The following CLSTN3 variants were observed in gnomAD, a reference collection of about 807,000 sequenced individuals.
CLSTN3 encodes calsyntenin 3.
Under a neutral mutation model 95.9 loss-of-function variants are expected in CLSTN3, and 36 were observed. That is an observed-to-expected ratio of 0.38 (90% CI 0.29 to 0.50). The LOEUF (loss-of-function observed/expected upper bound fraction) is 0.50. CLSTN3 is among the 20% of genes least tolerant of loss of function. CLSTN3 has a pLI of 0.95. For synonymous variants in CLSTN3, 481 were observed against 504.0 expected, an observed-to-expected ratio of 0.95 and a Z score of 0.61; for missense variants, 1,084 against 1,268.8, an observed-to-expected ratio of 0.85 and a Z score of 2.21.
chr12:7,136,425 C>A, intron 6 of CLSTN3, 34 bp downstream of exon 6: 1 of 1,537,154 alleles, frequency 6.5e-7, no homozygotes, highest in Non-Finnish European at 8.8e-7. Flanking sequence ...TCAGGCCTAT[C>A]CCTTCCCATC....
Position 7,149,794 on chromosome 12 carries a change from T to C in CLSTN3, c.2245+101T>C. 2 of 1,129,840 alleles carry C rather than the reference T, an allele frequency of 1.8e-6. No homozygotes were observed. Among genetic ancestry groups the C allele is most frequent in the East Asian group, 2.5e-5 (1 of 39,666 alleles). The allele number at this position is 1,129,840 out of a possible 1,614,324, so 70.0% of individuals were successfully genotyped here. On this transcript the variant is annotated intron_variant, in intron 14 of 17. Coordinates refer to ENST00000266546, the MANE Select transcript of CLSTN3 (RefSeq NM_014718.4). This position sits in a 1 kb window ranked among gnomAD's most constrained non-coding sequence, Gnocchi z 4.5. The stretch of plus-strand genomic sequence containing the variant: ...GGTCCTCCTTCCAGGTCCAGGGATG[T>C]GGACAAGTGCCGTTTTGCATTTTCC...
In CLSTN3 at chr12:7,148,874, T is replaced by C. The variant is rs1939672358; in HGVS notation, c.1848-98T>C. On this transcript the variant is annotated intron_variant, in intron 12 of 17. Transcript: ENST00000266546. ...TGCCCCTTCCTGACATGAGATGCTCTATGATAGAGGTAGCTGGGGCGGGGA... is the reference window on the plus strand; with the variant it reads ...TGCCCCTTCCTGACATGAGATGCTCCATGATAGAGGTAGCTGGGGCGGGGA... The C allele has an allele frequency of 1.1e-5, 11 of 997,072 alleles. No homozygotes were observed. In the South Asian group the frequency reaches 1.4e-4, roughly 12 times the overall value. 61.8% of individuals were successfully genotyped at this position (997,072 alleles called of 1,614,324 possible). A position where few individuals can be genotyped will look rare whatever the true frequency, so the allele number is the denominator to read the frequency against.
At chr12:7,148,277 TA>T (rs1284070905) in intron 12 of CLSTN3, among the ~76,000 whole-genome samples, 2 of 152,180 alleles carry the variant, frequency 1.3e-5, no homozygotes, top group Non-Finnish European at 2.9e-5. Context: ...TTATTACTGG[TA>T]AAGGTGGGGC....
At chr12:7,151,184 C>T (rs1394292484) in intron 16 of CLSTN3, 121 bp downstream of exon 16, 5 of 1,147,370 alleles carry the variant, frequency 4.4e-6, no homozygotes, top group African/African-American at 3.1e-5. Flanking sequence ...GGGTTCTGTT[C>T]CCTGTGGTAC....
intron 12 of CLSTN3, among the ~76,000 whole-genome samples, chr12:7,146,613 C>T (rs1393720073): frequency 6.6e-6 from 1 of 152,152 alleles, no homozygotes; most frequent in Non-Finnish European, 1.5e-5. Flanking sequence ...AAGCACCCTC[C>T]TCTTATCCTA....
intron 16 of CLSTN3, 34 bp downstream of exon 16, chr12:7,151,097 G>A (rs1417731289): frequency 1.3e-6 from 2 of 1,516,296 alleles, no homozygotes; most frequent in East Asian, 2.4e-5. Flanking sequence ...GCAGGGAGGG[G>A]CAGGTGGCAG....
Position 7,131,240 on chromosome 12 carries a change from C to CCATT in CLSTN3, c.64+528_64+529insCATT, listed in dbSNP as rs1370230228. 15 of 219,054 alleles carry CCATT rather than the reference C, an allele frequency of 6.8e-5. No homozygotes were observed. The Admixed American group carries it at 7.3e-4, about 11-fold the overall frequency. The allele number at this position is 219,054 out of a possible 1,614,324, so 13.6% of individuals were successfully genotyped here. A position where few individuals can be genotyped will look rare whatever the true frequency, so the allele number is the denominator to read the frequency against. On this transcript the variant is annotated intron_variant, in intron 1 of 17. Coordinates refer to ENST00000266546, the MANE Select transcript of CLSTN3 (RefSeq NM_014718.4). ...GACCCTTTTGCCTGCATCAGCTGGG[C>CCATT]TGTGGGTTACCAGAGCTGCCCTCTC...
At chr12:7,144,327 G>A (rs1220949525) in intron 12 of CLSTN3, among the ~76,000 whole-genome samples, 1 of 151,762 alleles carries the variant, frequency 6.6e-6, no homozygotes, top group Admixed American at 6.6e-5. Flanking sequence ...ATTATTTCAA[G>A]GTTTGAGTAT....
In CLSTN3 at chr12:7,149,409, T is replaced by C. The variant is rs1308099226; in HGVS notation, c.2075-114T>C. The C allele has an allele frequency of 9.5e-7, 1 of 1,052,068 alleles. No homozygotes were observed. The highest frequency in any genetic ancestry group is 1.4e-6 in the Non-Finnish European group (1 of 711,444). 65.2% of individuals were successfully genotyped at this position (1,052,068 alleles called of 1,614,324 possible). On this transcript the variant is annotated intron_variant, in intron 13 of 17. Transcript: ENST00000266546. The surrounding 1 kb of genome is among the most constrained non-coding windows in gnomAD (Gnocchi z 4.5). The stretch of plus-strand genomic sequence containing the variant: ...TGATATTCTTGAAAATGATGCTGAC[T>C]TCCCTCTCCCTGGCCCTGGAAAGGG...
rs765424120 is a variant in CLSTN3, at chr12:7,143,293, G to A, written c.1829G>A (p.Arg610His). 2.6e-5 allele frequency: 42 copies of A among 1,609,894 alleles called. No homozygotes were observed. Among genetic ancestry groups the A allele is most frequent in the African/African-American group, 4.0e-5 (3 of 74,944 alleles). ...RFATPGVRPL[R>H]LTTAVKCFSE... ...GCCACGCCCGGCGTCAGGCCCCTGC[G>A]CCTCACCACTGCTGTCAAGTGAGTG... Residue 610 changes from arginine (R) to histidine (H), a missense_variant, in exon 12 of 18, where the codon CGC becomes CAC. Arg to His is a conservative substitution (Grantham distance 29). Coordinates refer to ENST00000266546, the MANE Select transcript of CLSTN3 (RefSeq NM_014718.4).
Position 7,133,131 on chromosome 12 carries a change from C to T in CLSTN3, c.172C>T (p.Pro58Ser), listed in dbSNP as rs1939337764. ...PPLFALDKDA[P>S]LRYAGEICGF... ...ACTCTTTGCCTTGGACAAGGATGCC[C>T]CGCTGCGCTATGCAGGTAATTGGGA... The change falls in exon 2 of 18, where the codon CCG becomes TCG. Residue 58 changes from proline (P) to serine (S), a missense_variant. Pro to Ser is a moderately conservative substitution (Grantham distance 74, BLOSUM62 -1). Coordinates refer to ENST00000266546, the MANE Select transcript of CLSTN3 (RefSeq NM_014718.4). This position sits in a 1 kb window ranked among gnomAD's most constrained non-coding sequence, Gnocchi z 4.7. 2.5e-6 allele frequency: 4 copies of T among 1,614,086 alleles called. No individual in the cohort carries two copies. The highest frequency in any genetic ancestry group is 2.7e-5 in the African/African-American group (2 of 75,000).
chr12:7,143,381 G>A, intron 12 of CLSTN3, 70 bp downstream of exon 12: 2 of 1,530,674 alleles, frequency 1.3e-6, no homozygotes, highest in Non-Finnish European at 1.8e-6. Flanking sequence ...TTGGCCTAAG[G>A]CGTCACCTAG....
intron 16 of CLSTN3, among the ~76,000 whole-genome samples, chr12:7,154,988 A>T (rs1234530664): frequency 6.6e-6 from 1 of 152,192 alleles, no homozygotes; most frequent in African/African-American, 2.4e-5. Context: ...GAGAGCCGTG[A>T]TAGGAGCCAA....
intron 16 of CLSTN3, chr12:7,156,938 G>A (rs1939828125): frequency 2.4e-6 from 1 of 425,172 alleles, no homozygotes; most frequent in Admixed American, 2.6e-5. Context: ...AGGTGGGTAA[G>A]GGAAGGGGCT....
intron 8 of CLSTN3, among the ~76,000 whole-genome samples, chr12:7,139,898 C>A (rs781751189): frequency 2.0e-5 from 3 of 152,164 alleles, no homozygotes; most frequent in African/African-American, 7.2e-5. Flanking sequence ...CCCACCTTGG[C>A]CTCCTAAAGA....
Position 7,158,063 on chromosome 12 carries a change from C to T in CLSTN3, c.2853C>T (p.Thr951=), listed in dbSNP as rs780814619. Reference sequence around the variant, plus strand: ...GCGACGAGAGACGCATCATCGAGACCCCCCCACACCGCTACTAAGGCCTAC... The same window carrying T: ...GCGACGAGAGACGCATCATCGAGACTCCCCCACACCGCTACTAAGGCCTAC... The part of the protein sequence containing the change: ...PSSDERRIIE[T]PPHRY The change falls in exon 18 of 18, where the codon ACC becomes ACT. Residue 951 remains threonine (T), a synonymous_variant. Coordinates refer to ENST00000266546, the MANE Select transcript of CLSTN3 (RefSeq NM_014718.4). The T allele has an allele frequency of 2.0e-6, 3 of 1,537,284 alleles. No individual in the cohort carries two copies. In the African/African-American group the frequency reaches 4.1e-5, roughly 21 times the overall value.
chr12:7,145,708 G>A (rs1054288968), intron 12 of CLSTN3, among the ~76,000 whole-genome samples: 14 of 152,032 alleles, frequency 9.2e-5, no homozygotes, highest in Non-Finnish European at 1.5e-4. Context: ...CCTCTATCTA[G>A]AAGTTCTGCT....
chr12:7,158,143 A>G lies in CLSTN3; in HGVS notation c.*62A>G. ...CCCTGGTGAAACAGACACTCCAGACATGGGAGAAGGACTTTCTGGGAACAC... is the reference window on the plus strand; with the variant it reads ...CCCTGGTGAAACAGACACTCCAGACGTGGGAGAAGGACTTTCTGGGAACAC... On this transcript the variant is annotated 3_prime_UTR_variant, in exon 18 of 18. Coordinates refer to ENST00000266546, the MANE Select transcript of CLSTN3 (RefSeq NM_014718.4). 2 of 1,447,044 alleles carry G rather than the reference A, an allele frequency of 1.4e-6. No individual in the cohort carries two copies. Among genetic ancestry groups the G allele is most frequent in the East Asian group, 2.5e-5 (1 of 39,484 alleles). The allele number at this position is 1,447,044 out of a possible 1,614,324, so 89.6% of individuals were successfully genotyped here.
Position 7,149,767 on chromosome 12 carries a change from AG to A in CLSTN3, c.2245+77del, listed in dbSNP as rs1348779958. On this transcript the variant is annotated intron_variant, in intron 14 of 17. Transcript: ENST00000266546. The surrounding 1 kb of genome is among the most constrained non-coding windows in gnomAD (Gnocchi z 4.5). ...AAAAGTAAGGGCCTAGGAAGCCCAG[AG>A]GGTCCTCCTTCCAGGTCCAGGGATG... 3.5e-6 allele frequency: 5 copies of A among 1,412,554 alleles called. No homozygotes were observed. The African/African-American group carries it at 7.2e-5, about 20-fold the overall frequency. 87.5% of individuals were successfully genotyped at this position (1,412,554 alleles called of 1,614,324 possible). A position where few individuals can be genotyped will look rare whatever the true frequency, so the allele number is the denominator to read the frequency against.
Sources: gnomAD v4.1 joint callset for allele counts (sites outside exome capture counted in the v4.1 genomes callset) on GRCh38, gnomAD v4.1.1 for gene constraint, Gnocchi (gnomAD v3.1) non-coding constraint, MANE v1.5 for transcripts, NCBI Gene and HGNC (gene_info 2026-07-23, HGNC 2026-07-21) for gene names.